MSRB2: variants seen among roughly 807,000 people sequenced by gnomAD.
The protein encoded by MSRB2 is methionine-R-sulfoxide reductase B2, mitochondrial.
MSRB2 carries 17 observed loss-of-function variants against 19.0 expected under a neutral mutation model. The observed-to-expected ratio is 0.89, with a 90% CI of 0.61 to 1.34. The LOEUF (loss-of-function observed/expected upper bound fraction) is 1.34, where lower values mean the gene tolerates loss of function less well. Ranked by LOEUF, MSRB2 falls within the 40% of genes most tolerant of loss-of-function variation. The probability of loss-of-function intolerance (pLI) is 0.00; values close to 1 mark genes in which losing one functional copy is unlikely to be tolerated. For synonymous variants in MSRB2, 107 were observed against 99.7 expected, an observed-to-expected ratio of 1.07 and a Z score of -0.44; for missense variants, 208 against 237.6, an observed-to-expected ratio of 0.88 and a Z score of 0.82.
Position 23,105,212 on chromosome 10 carries a change from C to CTGTGTGTG in MSRB2, c.219+992_219+999dup, listed in dbSNP as rs36039793. On this transcript the variant is annotated intron_variant, in intron 2 of 4. Transcript: ENST00000376510. ...CATTTATCTCTCTCTCTCTGTGTGTCTGTGTGTGTGTGTGTGTGTGTGTGT... is the reference window on the plus strand; with the variant it reads ...CATTTATCTCTCTCTCTCTGTGTGTCTGTGTGTGTGTGTGTGTGTGTGTGTGTGTGTGT... 5.9e-3 allele frequency among the ~76,000 whole-genome samples: 864 copies of CTGTGTGTG among 147,164 alleles called. 11 individuals are homozygous for CTGTGTGTG. The highest frequency in any genetic ancestry group is 0.019 in the African/African-American group (773 of 40,106).
At chr10:23,118,286 T>C (rs181626353) in intron 3 of MSRB2, among the ~76,000 whole-genome samples, 6 of 151,762 alleles carry the variant, frequency 4.0e-5, no homozygotes, top group Admixed American at 2.6e-4. Context: ...TCTGTGTTCA[T>C]AGTCTAGGGA....
At position 23,119,287 on chromosome 10, in the gene MSRB2, G is replaced by A. The variant is rs1488220085; in HGVS notation, c.297-17G>A. On this transcript the variant is annotated splice_polypyrimidine_tract_variant and intron_variant, in intron 3 of 4. Transcript: ENST00000376510. ...CAGTGTCATTAGCAGCTGTAGTATC[G>A]TTTATGTCTTCCACAGTTCTGAGAA... is the stretch of plus-strand genomic sequence containing the variant. 16 of 1,613,004 alleles carry A rather than the reference G, an allele frequency of 9.9e-6. No individual in the cohort carries two copies. The highest frequency in any genetic ancestry group is 1.6e-4 in the Middle Eastern group (1 of 6,074).
Position 23,120,689 on chromosome 10 carries a change from C to T in MSRB2, c.445-69C>T, listed in dbSNP as rs867980790. 2.5e-5 allele frequency: 31 copies of T among 1,247,310 alleles called. No individual in the cohort carries two copies. In the East Asian group the frequency reaches 4.3e-4, roughly 17 times the overall value. 77.3% of individuals were successfully genotyped at this position (1,247,310 alleles called of 1,614,324 possible). ...GGAGTGGAGTGATTTTGGGGGGGTTCGTCTGTCTGGTTTTACATAAAGAGC... is the reference window on the plus strand; with the variant it reads ...GGAGTGGAGTGATTTTGGGGGGGTTTGTCTGTCTGGTTTTACATAAAGAGC... On this transcript the variant is annotated intron_variant, in intron 4 of 4. Transcript: ENST00000376510.
chr10:23,110,391 T>A (rs1302091681), intron 3 of MSRB2, 73 bp downstream of exon 3: 9 of 1,250,670 alleles, frequency 7.2e-6, no homozygotes, highest in Non-Finnish European at 1.2e-6. Flanking sequence ...TCATTTGAGA[T>A]CTTGGATAAA....
At chr10:23,100,221 T>C (rs1839912881) in intron 1 of MSRB2, among the ~76,000 whole-genome samples, 1 of 152,194 alleles carries the variant, frequency 6.6e-6, no homozygotes, top group South Asian at 2.1e-4. Flanking sequence ...AGCCAGAGAT[T>C]AGGTCTCACA....
chr10:23,119,493 C>A lies in MSRB2; in HGVS notation c.444+42C>A, dbSNP rs771348696. ...TGTTTTACTTTCCCTGATGCTGCCC[C>A]CAATGCCACAAAGAGCTCTCTTGTT... On this transcript the variant is annotated intron_variant, in intron 4 of 4. Coordinates refer to ENST00000376510, the MANE Select transcript of MSRB2 (RefSeq NM_012228.4). The A allele has an allele frequency of 2.5e-6, 4 of 1,596,944 alleles. No homozygotes were observed. The South Asian group carries it at 4.5e-5, about 18-fold the overall frequency.
chr10:23,120,685 G>T (rs1266043022), intron 4 of MSRB2, 73 bp from the exon 5 acceptor site: 3 of 1,157,152 alleles, frequency 2.6e-6, no homozygotes, highest in East Asian at 2.4e-5. Context: ...ATTTTGGGGG[G>T]GTTCGTCTGT....
At chr10:23,119,182 A>T in intron 3 of MSRB2, 122 bp from the exon 4 acceptor site, 1 of 1,248,108 alleles carries the variant, frequency 8.0e-7, no homozygotes, top group Admixed American at 1.7e-5. Flanking sequence ...ATAACTGGGC[A>T]TGGGATCTGG....
chr10:23,105,292 C>T (rs1471815579), intron 2 of MSRB2, among the ~76,000 whole-genome samples: 1 of 151,570 alleles, frequency 6.6e-6, no homozygotes, highest in Non-Finnish European at 1.5e-5. Context: ...ATATATAATG[C>T]ATAGTAATCG....
intron 2 of MSRB2, among the ~76,000 whole-genome samples, chr10:23,109,359 G>A (rs1840021502): frequency 6.6e-6 from 1 of 152,068 alleles, no homozygotes; most frequent in Admixed American, 6.5e-5. Context: ...AGACCAGCCT[G>A]GCTAACACGG....
Position 23,118,337 on chromosome 10 carries a change from GTT to G in MSRB2, c.297-949_297-948del, listed in dbSNP as rs35011086. On this transcript the variant is annotated intron_variant, in intron 3 of 4. Coordinates refer to ENST00000376510, the MANE Select transcript of MSRB2 (RefSeq NM_012228.4). ...CTTTTTCTTCTTAGATTAGTTTTTTGTTTTTTTTTTTTTTTTTTTGGCTGGGT... is the reference window on the plus strand; with the variant it reads ...CTTTTTCTTCTTAGATTAGTTTTTTGTTTTTTTTTTTTTTTTTGGCTGGGT... Among the ~76,000 whole-genome samples, 411 of 92,164 alleles carry G rather than the reference GTT, an allele frequency of 4.5e-3. 3 individuals carry two copies. Among genetic ancestry groups the G allele is most frequent in the South Asian group, 0.014 (34 of 2,414 alleles). The allele number at this position is 92,164 out of a possible 152,430, so 60.5% of individuals were successfully genotyped here.
Position 23,095,666 on chromosome 10 carries a change from G to A in MSRB2, c.58G>A (p.Ala20Thr). The A allele has an allele frequency of 1.5e-6, 2 of 1,356,520 alleles. No individual in the cohort carries two copies. Among genetic ancestry groups the A allele is most frequent in the Non-Finnish European group, 1.9e-6 (2 of 1,063,384 alleles). The allele number at this position is 1,356,520 out of a possible 1,614,324, so 84.0% of individuals were successfully genotyped here. A position where few individuals can be genotyped will look rare whatever the true frequency, so the allele number is the denominator to read the frequency against. Reference protein sequence around the residue: ...GLTLGTAPRRAVRGQAGGGGP... With the variant: ...GLTLGTAPRRTVRGQAGGGGP... ...GACCCTCGGAACTGCGCCTCGGCGG[G>A]CGGTGCGGGGCCAAGCGGGCGGCGG... Residue 20 changes from alanine to threonine, a missense_variant, in exon 1 of 5, where the codon GCG becomes ACG. Ala to Thr is a moderately conservative substitution (Grantham distance 58). Transcript: ENST00000376510.
intron 1 of MSRB2, among the ~76,000 whole-genome samples, chr10:23,101,562 T>C (rs979702350): frequency 6.6e-6 from 1 of 152,216 alleles, no homozygotes; most frequent in Non-Finnish European, 1.5e-5. Context: ...ATTCTACTTT[T>C]AGTTCTTTAA....
chr10:23,104,030 G>T, intron 1 of MSRB2, 114 bp from the exon 2 acceptor site: 1 of 698,710 alleles, frequency 1.4e-6, no homozygotes, highest in Non-Finnish European at 2.3e-6. Context: ...GGAGAGAGAG[G>T]AAGGGACTGG....
intron 4 of MSRB2, among the ~76,000 whole-genome samples, 184 bp downstream of exon 4, chr10:23,119,635 G>A (rs1270475729): frequency 1.2e-4 from 18 of 151,852 alleles, no homozygotes; most frequent in Admixed American, 1.2e-3. Flanking sequence ...AGACAGTCTC[G>A]CTCTGTTTTG....
chr10:23,118,980 A>G (rs1303859966), intron 3 of MSRB2: 5 of 477,402 alleles, frequency 1.0e-5, no homozygotes, highest in Non-Finnish European at 2.1e-5. Context: ...TGACATTTTC[A>G]ACACATGGGT....
intron 3 of MSRB2, among the ~76,000 whole-genome samples, chr10:23,111,599 G>T (rs1272257204): frequency 6.6e-6 from 1 of 152,102 alleles, no homozygotes; most frequent in Non-Finnish European, 1.5e-5. Flanking sequence ...CTTTCACCTT[G>T]CAGGCTTAGT....
chr10:23,110,601 CCCCTTATGA>C (rs1840040440), intron 3 of MSRB2, among the ~76,000 whole-genome samples: 1 of 148,862 alleles, frequency 6.7e-6, no homozygotes, highest in Non-Finnish European at 1.5e-5. Flanking sequence ...ACTCAGTGGG[CCCCTTATGA>C]TAAAGCTATT....
intron 1 of MSRB2, among the ~76,000 whole-genome samples, chr10:23,096,352 CTGTG>C (rs767702970): frequency 1.4e-5 from 2 of 142,832 alleles, no homozygotes; most frequent in East Asian, 2.0e-4. Context: ...CTCTCTCTCT[CTGTG>C]TGTGTGTGTG....
Sources: gnomAD v4.1 joint callset for allele counts (sites outside exome capture counted in the v4.1 genomes callset) on GRCh38, gnomAD v4.1.1 for gene constraint, MANE v1.5 for transcripts, NCBI Gene and HGNC (gene_info 2026-07-23, HGNC 2026-07-21) for gene names.